The following LDLRAD4 variants were observed in gnomAD, a reference collection of about 807,000 sequenced individuals.
LDLRAD4 encodes the protein low density lipoprotein receptor class A domain containing 4.
In LDLRAD4, 5 loss-of-function variants were observed where a neutral mutation model predicts 17.0. The observed-to-expected ratio is 0.29, with a 90% CI of 0.15 to 0.62. The LOEUF (loss-of-function observed/expected upper bound fraction) is 0.62. Among genes scored for constraint, LDLRAD4 ranks in the 20% least tolerant of loss-of-function variants. LDLRAD4 has a pLI of 0.84. For missense variants in LDLRAD4, 340 were observed against 424.7 expected, an observed-to-expected ratio of 0.80 and a Z score of 1.75; for synonymous variants, 168 against 171.8, an observed-to-expected ratio of 0.98 and a Z score of 0.17.
At position 13,456,885 on chromosome 18, in the gene LDLRAD4, A is replaced by G. The variant is rs535815570; in HGVS notation, c.181+18501A>G. 3.9e-4 allele frequency among the ~76,000 whole-genome samples: 59 copies of G among 152,340 alleles called. 1 individual carries two copies. The highest frequency in any genetic ancestry group is 2.6e-3 in the Admixed American group (40 of 15,302). ...TGGTTTTTTCTAGATTCTGTGGCTT[A>G]CAGTGCTATCCAAAATTCCTTCCAC... On this transcript the variant is annotated intron_variant, in intron 3 of 5. Coordinates refer to ENST00000359446, the Ensembl canonical transcript of LDLRAD4.
chr18:13,368,993 C>T (rs993968112), intron 1 of LDLRAD4, among the ~76,000 whole-genome samples: 8 of 152,182 alleles, frequency 5.3e-5, no homozygotes, highest in Non-Finnish European at 7.3e-5. Flanking sequence ...TGTGAGCCAC[C>T]GTGCCAGGCC....
intron 3 of LDLRAD4, among the ~76,000 whole-genome samples, chr18:13,582,731 G>C (rs2148460042): frequency 6.6e-6 from 1 of 152,224 alleles, no homozygotes. Flanking sequence ...TACTTTTCTA[G>C]AGACGAGGTC....
chr18:13,292,901 C>T (rs751175909), intron 1 of LDLRAD4, among the ~76,000 whole-genome samples: 5 of 152,168 alleles, frequency 3.3e-5, no homozygotes, highest in Admixed American at 6.5e-5. Context: ...TTTCCAACCC[C>T]GGGGATGCCC....
At chr18:13,527,396 G>T (rs1181349006) in intron 3 of LDLRAD4, among the ~76,000 whole-genome samples, 1 of 152,236 alleles carries the variant, frequency 6.6e-6, no homozygotes, top group Non-Finnish European at 1.5e-5. Context: ...ACTTGGGTTT[G>T]CTGGCCTTCT....
chr18:13,382,458 G>C (rs139648171), intron 1 of LDLRAD4: 1 of 152,168 alleles, frequency 6.6e-6, no homozygotes, highest in South Asian at 2.1e-4. Flanking sequence ...CTTCCTGTGG[G>C]GGTGTTTTTC....
intron 1 of LDLRAD4, among the ~76,000 whole-genome samples, chr18:13,350,969 A>G (rs12955917): frequency 0.2 from 30,182 of 152,044 alleles, 3,668 homozygotes; most frequent in South Asian, 0.27. Context: ...TGAGGTCTCT[A>G]TTCTGTTCCA....
intron 2 of LDLRAD4, among the ~76,000 whole-genome samples, chr18:13,425,162 A>C (rs2089826726): frequency 1.3e-5 from 2 of 152,200 alleles, no homozygotes; most frequent in Admixed American, 6.5e-5. Flanking sequence ...AATACAATAA[A>C]AGTTAATTAT....
At position 13,631,075 on chromosome 18, in the gene LDLRAD4, G is replaced by T. The variant is rs190051017; in HGVS notation, c.336+9804G>T. Among the ~76,000 whole-genome samples, 20 of 152,340 alleles carry T rather than the reference G, an allele frequency of 1.3e-4. No homozygotes were observed. In the East Asian group the frequency reaches 3.9e-3, roughly 29 times the overall value. ...GGCGTGGTGTGGCCTTGCACACGTG[G>T]ACGCATGGCAGCAGGCGACAGCCCA... On this transcript the variant is annotated intron_variant, in intron 4 of 5. Coordinates refer to ENST00000359446, the Ensembl canonical transcript of LDLRAD4.
intron 4 of LDLRAD4, chr18:13,641,631 G>T (rs1026531187): frequency 1.6e-4 from 59 of 372,088 alleles, no homozygotes; most frequent in African/African-American, 1.3e-3. Flanking sequence ...GAGGACTGGG[G>T]TGAGGGAGAG....
chr18:13,609,997 AAAG>A (rs2039340739), intron 3 of LDLRAD4, among the ~76,000 whole-genome samples: 1 of 152,168 alleles, frequency 6.6e-6, no homozygotes, highest in Non-Finnish European at 1.5e-5. Context: ...AGAAAAAAGA[AAAG>A]AAAAAGATTG....
At position 13,596,007 on chromosome 18, in the gene LDLRAD4, C is replaced by G. The variant is rs77821712; in HGVS notation, c.182-25110C>G. On this transcript the variant is annotated intron_variant, in intron 3 of 5. Coordinates refer to ENST00000359446, the Ensembl canonical transcript of LDLRAD4. ...TATTATTCTTAAGTTGTCTGTTTTTCCTTTCAATTCTGTCAGTTTTTGCTT... is the reference window on the plus strand; with the variant it reads ...TATTATTCTTAAGTTGTCTGTTTTTGCTTTCAATTCTGTCAGTTTTTGCTT... Among the ~76,000 whole-genome samples, 421 of 152,126 alleles carry G rather than the reference C, an allele frequency of 2.8e-3. 2 individuals are homozygous for G. The highest frequency in any genetic ancestry group is 9.5e-3 in the African/African-American group (394 of 41,490).
intron 3 of LDLRAD4, among the ~76,000 whole-genome samples, chr18:13,503,046 A>G (rs2093637078): frequency 6.6e-6 from 1 of 152,260 alleles, no homozygotes; most frequent in Admixed American, 6.5e-5. Flanking sequence ...TGATGGTATT[A>G]CATGGAATTC....
chr18:13,342,128 T>G (rs2082405177), intron 1 of LDLRAD4, among the ~76,000 whole-genome samples: 1 of 152,130 alleles, frequency 6.6e-6, no homozygotes, highest in African/African-American at 2.4e-5. Flanking sequence ...CTTCTGAGTT[T>G]GGTTTGCTAG....
At chr18:13,231,932 C>G (rs1348226035) in intron 1 of LDLRAD4, among the ~76,000 whole-genome samples, 1 of 152,230 alleles carries the variant, frequency 6.6e-6, no homozygotes, top group East Asian at 1.9e-4. Context: ...GTTGTCCAAA[C>G]CACATGGCAG....
chr18:13,386,891 CATAGATAGATAGATAGATAGATAGATAG>C (rs71174169), intron 1 of LDLRAD4, among the ~76,000 whole-genome samples: 42 of 146,908 alleles, frequency 2.9e-4, no homozygotes, highest in South Asian at 8.8e-4. Context: ...CCCTGTCATT[CATAGATAGATAGATAGATAGATAGATAG>C]ATAGATAGAT....
At chr18:13,217,889 A>G (rs1353949528), upstream of LDLRAD4, 1 of 150,438 alleles carries the variant, frequency 6.6e-6, no homozygotes, top group Admixed American at 6.6e-5. The surrounding 1 kb of genome is among the most constrained non-coding windows in gnomAD (Gnocchi z 4.9). Flanking sequence ...TGCCTGGGAA[A>G]GTGGAAGCAG....
chr18:13,642,762 A>G, intron 4 of LDLRAD4: 1 of 1,230,162 alleles, frequency 8.1e-7, no homozygotes, highest in Non-Finnish European at 1.0e-6. Context: ...ACACAGGTGT[A>G]GAGAGTGAGC....
intron 4 of LDLRAD4, among the ~76,000 whole-genome samples, chr18:13,641,559 C>G (rs1390559779): frequency 6.6e-6 from 1 of 152,222 alleles, no homozygotes; most frequent in Non-Finnish European, 1.5e-5. Flanking sequence ...TGCCCAGACA[C>G]TCAGTGCTGC....
intron 2 of LDLRAD4, among the ~76,000 whole-genome samples, chr18:13,414,322 A>G (rs2088666372): frequency 6.6e-6 from 1 of 152,156 alleles, no homozygotes; most frequent in Non-Finnish European, 1.5e-5. Flanking sequence ...TCCTTGTAGG[A>G]TGGGGTTACT....
Sources: allele counts gnomAD v4.1 joint callset (sites outside exome capture counted in the v4.1 genomes callset), GRCh38; gene constraint gnomAD v4.1.1; non-coding constraint Gnocchi (gnomAD v3.1); transcripts MANE v1.5; gene names NCBI Gene and HGNC (gene_info 2026-07-23, HGNC 2026-07-21).